The following IKZF2 variants were observed in gnomAD, a reference collection of about 807,000 sequenced individuals.
IKZF2 encodes zinc finger protein Helios.
IKZF2 carries 15 observed loss-of-function variants against 49.2 expected under a neutral mutation model. The observed-to-expected ratio is 0.30, with a 90% CI of 0.20 to 0.47. IKZF2 has a LOEUF of 0.47. IKZF2 is among the 20% of genes least tolerant of loss of function. The pLI, the probability that IKZF2 is intolerant of heterozygous loss-of-function variation, is 1.00. For missense variants in IKZF2, 567 were observed against 664.6 expected, an observed-to-expected ratio of 0.85 and a Z score of 1.61; for synonymous variants, 227 against 221.4, an observed-to-expected ratio of 1.03 and a Z score of -0.23.
chr2:213,015,792 G>T (rs1312096555), intron 7 of IKZF2, among the ~76,000 whole-genome samples: 1 of 152,000 alleles, frequency 6.6e-6, no homozygotes, highest in Admixed American at 6.6e-5. Flanking sequence ...AAAAAATGTT[G>T]TTGTAAATTT....
chr2:213,114,856 C>T (rs190261466), intron 4 of IKZF2, among the ~76,000 whole-genome samples: 231 of 151,156 alleles, frequency 1.5e-3, no homozygotes, highest in Middle Eastern at 3.4e-3. Flanking sequence ...CACTTGAACC[C>T]GGGAGGCAAC....
intron 6 of IKZF2, among the ~76,000 whole-genome samples, chr2:213,038,584 C>CAA (rs11409912): frequency 1.9e-4 from 24 of 123,656 alleles, no homozygotes; most frequent in Admixed American, 3.3e-4. Context: ...GAAGTCATTA[C>CAA]AAAAAAAAAA....
At chr2:213,102,676 AG>A (rs138756556) in intron 4 of IKZF2, among the ~76,000 whole-genome samples, 7,207 of 150,136 alleles carry the variant, frequency 0.048, 439 homozygotes, top group African/African-American at 0.13. Context: ...ATTTAAAGGA[AG>A]GGGGGGGGTC....
chr2:213,083,858 G>T (rs894740269), intron 4 of IKZF2, among the ~76,000 whole-genome samples: 1 of 151,210 alleles, frequency 6.6e-6, no homozygotes, highest in African/African-American at 2.4e-5. Context: ...GGACTCCACA[G>T]ATTCTACATT....
intron 4 of IKZF2, among the ~76,000 whole-genome samples, chr2:213,093,967 T>G (rs1478208401): frequency 1.3e-5 from 2 of 152,192 alleles, no homozygotes; most frequent in Non-Finnish European, 2.9e-5. Context: ...GAGGAATTAC[T>G]TGAAATATAA....
chr2:213,105,212 A>G (rs923588654), intron 4 of IKZF2, among the ~76,000 whole-genome samples: 1 of 152,060 alleles, frequency 6.6e-6, no homozygotes, highest in African/African-American at 2.4e-5. Flanking sequence ...CTCCTCTTCT[A>G]CTGCAAAGCT....
intron 1 of IKZF2, 43 bp downstream of exon 1, chr2:213,151,367 AAAC>A (rs1004826280): frequency 2.6e-5 from 4 of 152,366 alleles, no homozygotes; most frequent in African/African-American, 9.7e-5. Context: ...TCAGAAGACA[AAAC>A]AAGAGCTGTT....
rs1428241065 is a variant in IKZF2 at position 213,076,695 on chromosome 2, TATG to T, written c.140-19599_140-19597del. On this transcript the variant is annotated intron_variant, in intron 4 of 8. Coordinates refer to ENST00000434687, the MANE Select transcript of IKZF2 (RefSeq NM_001387220.1). ...TTATCTTCAATTGTTTAGGATAAAT[TATG>T]ATATTTTAATTTAAAAGAAGCTTGA... 1.8e-4 allele frequency among the ~76,000 whole-genome samples: 27 copies of T among 152,326 alleles called. No individual in the cohort carries two copies. In the East Asian group the frequency reaches 2.7e-3, roughly 15 times the overall value.
chr2:213,017,454 A>T (rs1696738063), intron 7 of IKZF2, among the ~76,000 whole-genome samples: 1 of 152,142 alleles, frequency 6.6e-6, no homozygotes, highest in South Asian at 2.1e-4. Context: ...TTACCATATC[A>T]CTGAATGACA....
intron 6 of IKZF2, among the ~76,000 whole-genome samples, chr2:213,048,642 A>T (rs899320200): frequency 6.6e-6 from 1 of 152,090 alleles, no homozygotes; most frequent in Non-Finnish European, 1.5e-5. Flanking sequence ...AAAAATATAT[A>T]CTTAAAATAT....
rs1235880013 is a variant in IKZF2 at position 213,000,819 on chromosome 2, T to C, written c.*6541A>G. ...AGTATTAGGTTCTTAATTTAGAGCA[T>C]TGGGCGAGGGTCTAAGAAGATTCAA... On this transcript the variant is annotated 3_prime_UTR_variant, in exon 9 of 9. Coordinates refer to ENST00000434687, the MANE Select transcript of IKZF2 (RefSeq NM_001387220.1). 1.3e-5 allele frequency: 2 copies of C among 151,622 alleles called. No individual in the cohort carries two copies. 9.4% of individuals were successfully genotyped at this position (151,622 alleles called of 1,614,324 possible).
At chr2:213,016,638 T>C (rs548908891) in intron 7 of IKZF2, among the ~76,000 whole-genome samples, 37 of 152,292 alleles carry the variant, frequency 2.4e-4, no homozygotes, top group African/African-American at 8.4e-4. Context: ...ATAAGGTAAC[T>C]TCCCCTGTTT....
At chr2:213,148,481 G>T in intron 3 of IKZF2, 115 bp downstream of exon 3, 2 of 699,526 alleles carry the variant, frequency 2.9e-6, no homozygotes, top group Non-Finnish European at 4.9e-6. Flanking sequence ...ATTGTGAACA[G>T]AGAGAAAAAA....
At chr2:213,040,178 T>G (rs1180701326) in intron 6 of IKZF2, among the ~76,000 whole-genome samples, 3 of 151,928 alleles carry the variant, frequency 2.0e-5, no homozygotes, top group Non-Finnish European at 4.4e-5. Context: ...TCTGTTTTTT[T>G]AACTTTTATT....
At chr2:213,027,015 CAT>C (rs1697889638) in intron 6 of IKZF2, among the ~76,000 whole-genome samples, 2 of 152,156 alleles carry the variant, frequency 1.3e-5, no homozygotes, top group African/African-American at 4.8e-5. Context: ...TAATGAAATA[CAT>C]AGTCTCTTCC....
intron 4 of IKZF2, among the ~76,000 whole-genome samples, chr2:213,127,317 C>G (rs2060300864): frequency 6.6e-6 from 1 of 152,152 alleles, no homozygotes; most frequent in African/African-American, 2.4e-5. Flanking sequence ...ACTTTACATA[C>G]TAATTTCAAA....
chr2:213,093,980 G>A (rs1258012191), intron 4 of IKZF2, among the ~76,000 whole-genome samples: 5 of 152,258 alleles, frequency 3.3e-5, no homozygotes, highest in Non-Finnish European at 7.4e-5. Flanking sequence ...AAATATAATC[G>A]AGATATAACT....
intron 6 of IKZF2, among the ~76,000 whole-genome samples, chr2:213,040,550 A>G (rs2220038): frequency 0.4 from 60,811 of 151,940 alleles, 12,361 homozygotes; most frequent in Non-Finnish European, 0.42. Flanking sequence ...CTAATTAGAA[A>G]AAACATGTAA....
At chr2:213,128,475 G>A (rs781344917) in intron 4 of IKZF2, among the ~76,000 whole-genome samples, 11 of 152,132 alleles carry the variant, frequency 7.2e-5, no homozygotes, top group Admixed American at 2.6e-4. Flanking sequence ...TAACCCAAAA[G>A]TAGGGTGCAC....
Sources: allele counts gnomAD v4.1 joint callset (sites outside exome capture counted in the v4.1 genomes callset), GRCh38; gene constraint gnomAD v4.1.1; transcripts MANE v1.5; gene names NCBI Gene and HGNC (gene_info 2026-07-23, HGNC 2026-07-21).